Variants in USP10 observed in about 807,000 individuals in gnomAD.
USP10 encodes the protein ubiquitin specific peptidase 10, also known as ubiquitin carboxyl-terminal hydrolase 10.
In USP10, 22 loss-of-function variants were observed where a neutral mutation model predicts 84.5. The ratio of observed to expected loss-of-function variants is 0.26; its 90% CI spans 0.19 to 0.37. USP10 has a LOEUF of 0.37. Among genes scored for constraint, USP10 ranks in the 10% least tolerant of loss-of-function variants. USP10 has a pLI of 1.00. For missense variants in USP10, 1,019 were observed against 998.9 expected (o/e 1.02, Z -0.27); for synonymous variants, 454 against 387.6 (o/e 1.17, Z -2.01).
intron 13 of USP10, among the ~76,000 whole-genome samples, chr16:84,776,981 T>G (rs1212520712): frequency 6.6e-6 from 1 of 152,148 alleles, no homozygotes; most frequent in African/African-American, 2.4e-5. Context: ...TCCAGCTAAT[T>G]TTTGTATTTT....
At chr16:84,704,767 A>C in intron 1 of USP10, 3 of 1,535,234 alleles carry the variant, frequency 2.0e-6, no homozygotes, top group South Asian at 1.2e-5. Flanking sequence ...CATTTTCATC[A>C]GATGACTTGA....
At chr16:84,718,715 C>T (rs1472195340) in intron 1 of USP10, among the ~76,000 whole-genome samples, 1 of 151,602 alleles carries the variant, frequency 6.6e-6, no homozygotes, top group Non-Finnish European at 1.5e-5. Context: ...GAGATTGCGC[C>T]ACTGCACTCC....
intron 12 of USP10, among the ~76,000 whole-genome samples, chr16:84,773,557 C>G (rs1914669086): frequency 1.3e-5 from 2 of 152,228 alleles, no homozygotes; most frequent in African/African-American, 2.4e-5. Context: ...CAGACACTGT[C>G]TCTCCCAGGC....
At chr16:84,721,170 G>C (rs1034550281) in intron 1 of USP10, among the ~76,000 whole-genome samples, 1 of 152,102 alleles carries the variant, frequency 6.6e-6, no homozygotes, top group African/African-American at 2.4e-5. Flanking sequence ...GGGATTACAG[G>C]TGTGAGCCAC....
intron 12 of USP10, among the ~76,000 whole-genome samples, chr16:84,774,418 C>G (rs1225489647): frequency 1.3e-5 from 2 of 151,980 alleles, no homozygotes; most frequent in South Asian, 2.1e-4. Context: ...AGCTGGTAGA[C>G]TGGTTCCTAT....
At chr16:84,757,590 G>T (rs1397349312) in intron 4 of USP10, among the ~76,000 whole-genome samples, 1 of 151,890 alleles carries the variant, frequency 6.6e-6, no homozygotes, top group East Asian at 1.9e-4. Context: ...TGCCATTTTG[G>T]TTTTTCTTTC....
intron 1 of USP10, among the ~76,000 whole-genome samples, chr16:84,713,868 G>T (rs142083128): frequency 6.6e-6 from 1 of 152,242 alleles, no homozygotes; most frequent in Non-Finnish European, 1.5e-5. Context: ...AGAGAAGGGC[G>T]CCCAAAGCAG....
chr16:84,748,176 AAGAT>A, intron 4 of USP10, among the ~76,000 whole-genome samples: 1 of 150,516 alleles, frequency 6.6e-6, no homozygotes, highest in African/African-American at 2.5e-5. Flanking sequence ...AAAAAAAAAA[AAGAT>A]AGATTGTGTA....
At chr16:84,739,497 T>C (rs1910367995) in intron 2 of USP10, among the ~76,000 whole-genome samples, 1 of 152,056 alleles carries the variant, frequency 6.6e-6, no homozygotes, top group Non-Finnish European at 1.5e-5. Context: ...GGTCTAGAAC[T>C]CCTGACCTCA....
At chr16:84,730,751 CT>C (rs1195686983) in intron 1 of USP10, among the ~76,000 whole-genome samples, 1 of 152,058 alleles carries the variant, frequency 6.6e-6, no homozygotes, top group East Asian at 1.9e-4. Flanking sequence ...AAACTTTAGG[CT>C]GTATATGAAC....
At chr16:84,747,611 G>A (rs1022628111) in intron 4 of USP10, among the ~76,000 whole-genome samples, 4 of 120,850 alleles carry the variant, frequency 3.3e-5, no homozygotes, top group East Asian at 2.6e-4. Context: ...TGCTCAGGCT[G>A]TAGTGCAGGA....
intron 7 of USP10, 94 bp from the exon 8 acceptor site, chr16:84,760,078 A>G: frequency 6.7e-7 from 1 of 1,497,326 alleles, no homozygotes. Flanking sequence ...ACATTCAGCC[A>G]GGTGGGAGGT....
intron 4 of USP10, among the ~76,000 whole-genome samples, chr16:84,748,316 A>G (rs1051438096): frequency 1.3e-5 from 2 of 151,746 alleles, no homozygotes; most frequent in Non-Finnish European, 2.9e-5. Flanking sequence ...TCTTTTCTTT[A>G]TTTTTGAGAG....
intron 1 of USP10, among the ~76,000 whole-genome samples, chr16:84,724,983 T>C (rs764290699): frequency 7.2e-5 from 11 of 152,216 alleles, no homozygotes; most frequent in Non-Finnish European, 1.2e-4. Context: ...GTAAAGAAAT[T>C]AAAATTTTTA....
At chr16:84,769,787 CTT>C (rs935254451) in intron 11 of USP10, among the ~76,000 whole-genome samples, 2 of 151,906 alleles carry the variant, frequency 1.3e-5, no homozygotes, top group African/African-American at 2.4e-5. Flanking sequence ...CTGTTTTTCT[CTT>C]TTGCTTCTGC....
chr16:84,711,719 C>CTTTTTT (rs10706586), intron 1 of USP10, among the ~76,000 whole-genome samples: 24 of 114,276 alleles, frequency 2.1e-4, no homozygotes, highest in African/African-American at 6.0e-4. Context: ...GAAGGGCTAG[C>CTTTTTT]TTTTTTTTTT....
chr16:84,729,978 C>G (rs1217951455), intron 1 of USP10, among the ~76,000 whole-genome samples: 4 of 152,126 alleles, frequency 2.6e-5, no homozygotes, highest in Admixed American at 1.3e-4. Flanking sequence ...GAAATTATGT[C>G]TGTGCAAAAT....
At chr16:84,707,915 C>T (rs975834918) in intron 1 of USP10, among the ~76,000 whole-genome samples, 2 of 151,772 alleles carry the variant, frequency 1.3e-5, no homozygotes, top group Non-Finnish European at 2.9e-5. Flanking sequence ...TCTTTCTCTA[C>T]AAAAATACAA....
intron 12 of USP10, among the ~76,000 whole-genome samples, chr16:84,774,283 C>T (rs1343750547): frequency 6.6e-6 from 1 of 151,944 alleles, no homozygotes; most frequent in African/African-American, 2.4e-5. Flanking sequence ...ACAAGAGGAC[C>T]TCACTTGGGT....
Sources: allele counts gnomAD v4.1 joint callset (sites outside exome capture counted in the v4.1 genomes callset), GRCh38; gene constraint gnomAD v4.1.1; transcripts MANE v1.5; gene names NCBI Gene and HGNC (gene_info 2026-07-23, HGNC 2026-07-21).